Variants in NEK7 observed in about 807,000 individuals in gnomAD.
NEK7 encodes the protein serine/threonine-protein kinase Nek7.
NEK7 carries 18 observed loss-of-function variants against 44.6 expected under a neutral mutation model. The ratio of observed to expected loss-of-function variants is 0.40; its 90% CI spans 0.28 to 0.60. The LOEUF (loss-of-function observed/expected upper bound fraction) is 0.60, where lower values mean the gene tolerates loss of function less well. Among genes scored for constraint, NEK7 ranks in the 20% least tolerant of loss-of-function variants. NEK7 has a pLI of 0.38. For missense variants in NEK7, 256 were observed against 366.5 expected (o/e 0.70, Z 2.46); for synonymous variants, 130 against 121.1 (o/e 1.07, Z -0.48).
intron 7 of NEK7, among the ~76,000 whole-genome samples, chr1:198,282,099 T>TA (rs1373816175): frequency 6.6e-6 from 1 of 152,102 alleles, no homozygotes; most frequent in African/African-American, 2.4e-5. Context: ...TACCACCACA[T>TA]ACATTGTCTC....
chr1:198,211,922 G>C (rs772332064), intron 1 of NEK7, among the ~76,000 whole-genome samples: 2 of 152,202 alleles, frequency 1.3e-5, no homozygotes, highest in Non-Finnish European at 2.9e-5. Flanking sequence ...GTCTTCAGAC[G>C]GTGACACACA....
chr1:198,167,069 G>GT (rs1329084448), intron 1 of NEK7, among the ~76,000 whole-genome samples: 1 of 152,180 alleles, frequency 6.6e-6, no homozygotes. Flanking sequence ...TGACAGTGCC[G>GT]TGTTCTCTCT....
intron 2 of NEK7, among the ~76,000 whole-genome samples, chr1:198,251,848 TG>T (rs1213690973): frequency 6.6e-6 from 1 of 152,220 alleles, no homozygotes; most frequent in Non-Finnish European, 1.5e-5. Flanking sequence ...ATTAATTTTT[TG>T]AAGGGTTTTT....
intron 1 of NEK7, among the ~76,000 whole-genome samples, chr1:198,231,801 T>G (rs1167975795): frequency 6.6e-6 from 1 of 152,018 alleles, no homozygotes; most frequent in East Asian, 1.9e-4. Flanking sequence ...AAGATGTGTT[T>G]TAGTTGTTCC....
chr1:198,206,303 G>T (rs1290638104), intron 1 of NEK7, among the ~76,000 whole-genome samples: 1 of 152,146 alleles, frequency 6.6e-6, no homozygotes, highest in Non-Finnish European at 1.5e-5. Context: ...AAAAATCAGT[G>T]AATATGGGAA....
chr1:198,243,089 C>T lies in NEK7; in HGVS notation c.58-9951C>T, dbSNP rs149849454. On this transcript the variant is annotated intron_variant, in intron 2 of 9. Transcript: ENST00000367385. Reference sequence around the variant, plus strand: ...CATCGAGTTCATTTCTTCCTTAAGACATTTTCTCCAGATGTTTTTCTCTGC... The same window carrying T: ...CATCGAGTTCATTTCTTCCTTAAGATATTTTCTCCAGATGTTTTTCTCTGC... 5.6e-3 allele frequency among the ~76,000 whole-genome samples: 858 copies of T among 152,250 alleles called. 13 individuals carry two copies. The highest frequency in any genetic ancestry group is 0.02 in the African/African-American group (835 of 41,554).
rs1292834363 is a variant in NEK7 at position 198,232,566 on chromosome 1, C to T, written c.-15C>T. ...ACATTTTTGCAGAGTTCTAAAGTTCCTGTTGCTTCAGACAATGGATGAGCA... is the reference window on the plus strand; with the variant it reads ...ACATTTTTGCAGAGTTCTAAAGTTCTTGTTGCTTCAGACAATGGATGAGCA... On this transcript the variant is annotated 5_prime_UTR_variant, in exon 2 of 10. Coordinates refer to ENST00000367385, the MANE Select transcript of NEK7 (RefSeq NM_133494.3). The T allele has an allele frequency of 1.9e-6, 3 of 1,572,270 alleles. No individual in the cohort carries two copies. The highest frequency in any genetic ancestry group is 3.3e-5 in the Admixed American group (2 of 59,786).
intron 1 of NEK7, among the ~76,000 whole-genome samples, chr1:198,195,249 TA>T (rs897862686): frequency 1.6e-4 from 24 of 150,762 alleles, no homozygotes; most frequent in African/African-American, 2.2e-4. Flanking sequence ...TTCAGTAGAC[TA>T]AAAAAAAACA....
chr1:198,237,288 A>T (rs1666565557), intron 2 of NEK7, among the ~76,000 whole-genome samples: 1 of 152,086 alleles, frequency 6.6e-6, no homozygotes, highest in South Asian at 2.1e-4. Context: ...TCATGATTCT[A>T]TGCTGGTGAC....
At chr1:198,221,411 C>T (rs2102845313) in intron 1 of NEK7, among the ~76,000 whole-genome samples, 1 of 151,762 alleles carries the variant, frequency 6.6e-6, no homozygotes, top group African/African-American at 2.4e-5. Context: ...TTTGGTTTAA[C>T]ATTCTTTAAT....
At chr1:198,169,590 GT>G (rs34108311) in intron 1 of NEK7, among the ~76,000 whole-genome samples, 90,349 of 122,842 alleles carry the variant, frequency 0.74, 32,024 homozygotes, top group Middle Eastern at 0.84. Flanking sequence ...AACTTACTGG[GT>G]TTTTTTTTTT....
At chr1:198,243,172 G>T (rs1201275871) in intron 2 of NEK7, among the ~76,000 whole-genome samples, 1 of 152,034 alleles carries the variant, frequency 6.6e-6, no homozygotes, top group Non-Finnish European at 1.5e-5. Context: ...TACATCCTCA[G>T]CAAGATCATC....
At chr1:198,250,257 G>A (rs199769930) in intron 2 of NEK7, among the ~76,000 whole-genome samples, 4 of 141,088 alleles carry the variant, frequency 2.8e-5, no homozygotes, top group African/African-American at 1.1e-4. Flanking sequence ...TTTGGTACCA[G>A]TACCATGCTG....
chr1:198,303,586 C>T (rs1654947499), intron 9 of NEK7, among the ~76,000 whole-genome samples: 1 of 151,686 alleles, frequency 6.6e-6, no homozygotes, highest in Non-Finnish European at 1.5e-5. Flanking sequence ...TTGAGCAGTC[C>T]AAATATTTTT....
chr1:198,296,842 G>A (rs1654729959), intron 8 of NEK7, among the ~76,000 whole-genome samples: 1 of 151,930 alleles, frequency 6.6e-6, no homozygotes, highest in Non-Finnish European at 1.5e-5. Flanking sequence ...TAAATTATGT[G>A]TTATTTTTCT....
At chr1:198,230,503 AAAC>A (rs1334109394) in intron 1 of NEK7, among the ~76,000 whole-genome samples, 2 of 152,170 alleles carry the variant, frequency 1.3e-5, no homozygotes, top group Non-Finnish European at 2.9e-5. Flanking sequence ...AACTTCCAGC[AAAC>A]AATAGAAGGG....
chr1:198,190,249 G>C (rs956103175), intron 1 of NEK7, among the ~76,000 whole-genome samples: 1 of 151,980 alleles, frequency 6.6e-6, no homozygotes, highest in African/African-American at 2.4e-5. Flanking sequence ...GGAACATGTT[G>C]TCAGCTTTCA....
At chr1:198,182,607 AT>A (rs1376114387) in intron 1 of NEK7, among the ~76,000 whole-genome samples, 1 of 152,072 alleles carries the variant, frequency 6.6e-6, no homozygotes. Context: ...TTTTGGAATT[AT>A]TTTTTGGAAA....
At chr1:198,267,765 G>C (rs1408959436) in intron 5 of NEK7, among the ~76,000 whole-genome samples, 2 of 151,954 alleles carry the variant, frequency 1.3e-5, no homozygotes, top group Admixed American at 6.6e-5. Flanking sequence ...TTTTAAGTAA[G>C]ATGATCTCAG....
Sources: allele counts gnomAD v4.1 joint callset (sites outside exome capture counted in the v4.1 genomes callset), GRCh38; gene constraint gnomAD v4.1.1; transcripts MANE v1.5; gene names NCBI Gene and HGNC (gene_info 2026-07-23, HGNC 2026-07-21).